Variants in HS6ST3 observed in about 807,000 individuals in gnomAD.
HS6ST3 encodes heparan-sulfate 6-O-sulfotransferase 3.
In HS6ST3, 12 loss-of-function variants were observed where a neutral mutation model predicts 36.7. That is an observed-to-expected ratio of 0.33 (90% confidence interval 0.21 to 0.53). HS6ST3 has a LOEUF of 0.53. Ranked by LOEUF, HS6ST3 falls within the 20% of genes least tolerant of loss-of-function variation. The probability of loss-of-function intolerance (pLI) is 0.95; values close to 1 mark genes in which losing one functional copy is unlikely to be tolerated. For synonymous variants in HS6ST3, 240 were observed against 257.5 expected (o/e 0.93, Z 0.65); for missense variants, 584 against 640.9 (o/e 0.91, Z 0.96).
chr13:96,303,972 A>G (rs1337756364), intron 1 of HS6ST3, among the ~76,000 whole-genome samples: 1 of 151,992 alleles, frequency 6.6e-6, no homozygotes, highest in Non-Finnish European at 1.5e-5. Context: ...GCAAAACCCC[A>G]TCTTTACTAA....
chr13:96,795,308 ATCTTG>A (rs1877883704), intron 1 of HS6ST3, among the ~76,000 whole-genome samples: 2 of 152,018 alleles, frequency 1.3e-5, no homozygotes, highest in Non-Finnish European at 2.9e-5. Flanking sequence ...TCTATTTTTA[ATCTTG>A]TCTTTGTGCC....
chr13:96,568,270 T>C (rs1278646859), intron 1 of HS6ST3, among the ~76,000 whole-genome samples: 1 of 152,166 alleles, frequency 6.6e-6, no homozygotes. Flanking sequence ...CATTTGGCTC[T>C]CTGAATCTTT....
At chr13:96,342,568 G>A (rs1399912475) in intron 1 of HS6ST3, among the ~76,000 whole-genome samples, 1 of 152,208 alleles carries the variant, frequency 6.6e-6, no homozygotes, top group Non-Finnish European at 1.5e-5. Context: ...GTGTTTTAGA[G>A]TGGGATATTT....
intron 1 of HS6ST3, among the ~76,000 whole-genome samples, chr13:96,257,763 A>G (rs141988958): frequency 3.9e-5 from 6 of 152,346 alleles, no homozygotes; most frequent in African/African-American, 1.4e-4. Flanking sequence ...ACATGGGAAT[A>G]AAGGAAAGAA....
chr13:96,495,905 C>T (rs760186263), intron 1 of HS6ST3, among the ~76,000 whole-genome samples: 1 of 152,226 alleles, frequency 6.6e-6, no homozygotes, highest in African/African-American at 2.4e-5. Flanking sequence ...GTTCCTTTCC[C>T]TCTTCAGCAT....
chr13:96,155,036 C>T (rs910116558), intron 1 of HS6ST3, among the ~76,000 whole-genome samples: 1 of 152,010 alleles, frequency 6.6e-6, no homozygotes, highest in Non-Finnish European at 1.5e-5. Context: ...TATTAATGCT[C>T]AGCACTATGG....
In HS6ST3 at chr13:96,627,039, C is replaced by T. The variant is rs532165247; in HGVS notation, c.708-205451C>T. 2.2e-4 allele frequency among the ~76,000 whole-genome samples: 33 copies of T among 152,052 alleles called. 2 individuals are homozygous for T. Among genetic ancestry groups the T allele is most frequent in the African/African-American group, 7.7e-4 (32 of 41,526 alleles). On this transcript the variant is annotated intron_variant, in intron 1 of 1. Transcript: ENST00000376705. The stretch of plus-strand genomic sequence containing the variant: ...CACTCTGGTTCCTGTATTTTTATTT[C>T]CTTACTATAGGCAGGGATCTCTCAT...
chr13:96,409,977 TAA>T (rs1231063006), intron 1 of HS6ST3, among the ~76,000 whole-genome samples: 3 of 152,116 alleles, frequency 2.0e-5, no homozygotes, highest in African/African-American at 7.2e-5. Context: ...TATGCCAGTA[TAA>T]ATGCCAGGTG....
At chr13:96,287,714 C>T (rs2054810326) in intron 1 of HS6ST3, among the ~76,000 whole-genome samples, 1 of 152,126 alleles carries the variant, frequency 6.6e-6, no homozygotes, top group African/African-American at 2.4e-5. Context: ...ATGGAAATAG[C>T]TAATAAGCAT....
At chr13:96,519,500 C>T (rs2056085269) in intron 1 of HS6ST3, among the ~76,000 whole-genome samples, 1 of 152,192 alleles carries the variant, frequency 6.6e-6, no homozygotes, top group Admixed American at 6.6e-5. Context: ...ATGGTCCAAC[C>T]AGTGGACATT....
At chr13:96,785,981 AAAACCT>A (rs535381991) in intron 1 of HS6ST3, among the ~76,000 whole-genome samples, 14 of 152,168 alleles carry the variant, frequency 9.2e-5, no homozygotes, top group Non-Finnish European at 1.6e-4. Context: ...AATAACAACA[AAAACCT>A]ATGGCTTTCC....
At chr13:96,741,893 G>A (rs1364228213) in intron 1 of HS6ST3, among the ~76,000 whole-genome samples, 7 of 152,170 alleles carry the variant, frequency 4.6e-5, no homozygotes, top group East Asian at 1.9e-4. Flanking sequence ...GACTGAATAC[G>A]GGGGTCTGAT....
Position 96,833,151 on chromosome 13 carries a change from G to A in HS6ST3, c.1369G>A (p.Glu457Lys). The A allele has an allele frequency of 1.3e-6, 2 of 1,596,180 alleles. No individual in the cohort carries two copies. The highest frequency in any genetic ancestry group is 1.7e-4 in the Middle Eastern group (1 of 6,022). Residue 457 changes from glutamate to lysine, a missense_variant, in exon 2 of 2, where the codon GAA becomes AAA. Physicochemically the swap from Glu to Lys is moderately conservative, Grantham distance 56. Coordinates refer to ENST00000376705, the MANE Select transcript of HS6ST3 (RefSeq NM_153456.4). ...GTGGCCCAAAGAAGATGGGGCTGCAGAAGGGACTGTCACCGAGGACTACAA... is the reference window on the plus strand; with the variant it reads ...GTGGCCCAAAGAAGATGGGGCTGCAAAAGGGACTGTCACCGAGGACTACAA... ...HQWPKEDGAA[E>K]GTVTEDYNSQ...
intron 1 of HS6ST3, among the ~76,000 whole-genome samples, chr13:96,749,866 G>A (rs1188830686): frequency 6.6e-6 from 1 of 151,964 alleles, no homozygotes; most frequent in Non-Finnish European, 1.5e-5. Flanking sequence ...TTCAAGTCAT[G>A]TCTGTATGTA....
intron 1 of HS6ST3, among the ~76,000 whole-genome samples, chr13:96,358,867 A>G (rs2055222767): frequency 7.3e-6 from 1 of 137,000 alleles, no homozygotes; most frequent in African/African-American, 2.8e-5. Flanking sequence ...AAGTATATAT[A>G]TAATCTATCT....
intron 1 of HS6ST3, among the ~76,000 whole-genome samples, chr13:96,788,158 C>G (rs546103126): frequency 6.6e-6 from 1 of 151,846 alleles, no homozygotes; most frequent in South Asian, 2.1e-4. Context: ...TATAGTAAGC[C>G]TTAAAATCAG....
At chr13:96,549,183 A>C (rs2056209486) in intron 1 of HS6ST3, among the ~76,000 whole-genome samples, 2 of 151,498 alleles carry the variant, frequency 1.3e-5, no homozygotes, top group Admixed American at 6.6e-5. Context: ...CAGTTCTCCA[A>C]GACTGACCAG....
intron 1 of HS6ST3, among the ~76,000 whole-genome samples, chr13:96,684,562 G>A (rs2138440000): frequency 6.6e-6 from 1 of 152,126 alleles, no homozygotes; most frequent in African/African-American, 2.4e-5. Flanking sequence ...GTGAGAAGCA[G>A]GCCAGCTAAT....
intron 1 of HS6ST3, among the ~76,000 whole-genome samples, chr13:96,799,984 A>ATATATATATATG (rs1184198358): frequency 0.037 from 3,441 of 92,304 alleles, 257 homozygotes; most frequent in East Asian, 0.19. Flanking sequence ...ATATATATGT[A>ATATATATATATG]TATATATATA....
Sources: allele counts gnomAD v4.1 joint callset (sites outside exome capture counted in the v4.1 genomes callset), GRCh38; gene constraint gnomAD v4.1.1; transcripts MANE v1.5; gene names NCBI Gene and HGNC (gene_info 2026-07-23, HGNC 2026-07-21).